Variants in NF1 observed in about 807,000 individuals in gnomAD.
NF1 encodes neurofibromin 1.
In NF1, 122 loss-of-function variants were observed where a neutral mutation model predicts 325.7. That is an observed-to-expected ratio of 0.37 (90% CI 0.32 to 0.44). The LOEUF is 0.44. Among genes scored for constraint, NF1 ranks in the 20% least tolerant of loss-of-function variants. NF1 has a pLI of 1.00. For missense variants in NF1, 2,140 were observed against 3,415.4 expected (o/e 0.63, Z 9.31); for synonymous variants, 1,091 against 1,186.0 (o/e 0.92, Z 1.65).
Position 31,292,385 on chromosome 17 carries a change from A to G in NF1, c.4835+27046A>G, listed in dbSNP as rs575755237. On this transcript the variant is annotated intron_variant, in intron 36 of 57. Transcript: ENST00000358273. ...GAGCCTTTTTCCATTAATAATAAGA[A>G]TATAATTTCTTTGGAAGGAAATACT... Among the ~76,000 whole-genome samples, 24 of 152,342 alleles carry G rather than the reference A, an allele frequency of 1.6e-4. No individual in the cohort carries two copies. In the South Asian group the frequency reaches 3.9e-3, roughly 25 times the overall value.
intron 36 of NF1, chr17:31,295,631 T>G: frequency 6.2e-7 from 1 of 1,614,112 alleles, no homozygotes; most frequent in Non-Finnish European, 8.5e-7. Context: ...GTAAGTAATG[T>G]TTTGTTTGTG....
At position 31,374,356 on chromosome 17, in the gene NF1, T is replaced by G. The variant is rs908919123; in HGVS notation, c.*201T>G. 2 of 667,162 alleles carry G rather than the reference T, an allele frequency of 3.0e-6. No individual in the cohort carries two copies. The highest frequency in any genetic ancestry group is 1.8e-5 in the African/African-American group (1 of 55,318). The allele number at this position is 667,162 out of a possible 1,614,324, so 41.3% of individuals were successfully genotyped here. Reference sequence around the variant, plus strand: ...AATGCTGCCTTTTCTTTAACTTTTTTTCTTCTACTTTTGGCGTGTATCTGG... The same window carrying G: ...AATGCTGCCTTTTCTTTAACTTTTTGTCTTCTACTTTTGGCGTGTATCTGG... On this transcript the variant is annotated 3_prime_UTR_variant, in exon 58 of 58. Coordinates refer to ENST00000358273, the MANE Select transcript of NF1 (RefSeq NM_001042492.3).
intron 36 of NF1, chr17:31,320,485 G>T: frequency 6.7e-7 from 1 of 1,492,918 alleles, no homozygotes; most frequent in Non-Finnish European, 9.3e-7. Flanking sequence ...AGAAATGGTT[G>T]TTATATGTCA....
chr17:31,155,967 T>G lies in NF1; in HGVS notation c.61-16T>G. On this transcript the variant is annotated splice_polypyrimidine_tract_variant and intron_variant, in intron 1 of 57. Coordinates refer to ENST00000358273, the MANE Select transcript of NF1 (RefSeq NM_001042492.3). ...GGATAAGCTGTTAACGTGTTTTTTT[T>G]TTCTTTTTTTTTCAGCTTCCAATAA... is the stretch of plus-strand genomic sequence containing the variant. 2 of 1,611,706 alleles carry G rather than the reference T, an allele frequency of 1.2e-6. No individual in the cohort carries two copies. The highest frequency in any genetic ancestry group is 1.7e-6 in the Non-Finnish European group (2 of 1,179,060).
intron 51 of NF1, chr17:31,355,754 G>A (rs1287134207): frequency 1.3e-5 from 2 of 152,414 alleles, no homozygotes; most frequent in East Asian, 3.9e-4. Flanking sequence ...GGAGGCTGAT[G>A]TGGGAGGATC....
intron 29 of NF1, among the ~76,000 whole-genome samples, chr17:31,239,614 G>T (rs1189750513): frequency 6.6e-6 from 1 of 152,034 alleles, no homozygotes; most frequent in Non-Finnish European, 1.5e-5. Context: ...CGCAAAGCTA[G>T]ATCTTTTTAT....
At chr17:31,233,265 C>A (rs746520474) in intron 27 of NF1, 52 bp downstream of exon 27, 4 of 1,415,852 alleles carry the variant, frequency 2.8e-6, no homozygotes, top group Non-Finnish European at 4.0e-6. Flanking sequence ...ATAGCAAATC[C>A]TTCAGAATAT....
chr17:31,299,300 A>AAAT (rs2068527434), intron 36 of NF1, among the ~76,000 whole-genome samples: 1 of 129,768 alleles, frequency 7.7e-6, no homozygotes, highest in Non-Finnish European at 1.6e-5. Flanking sequence ...AATAAATAAA[A>AAAT]GAAATTCTCA....
intron 1 of NF1, among the ~76,000 whole-genome samples, chr17:31,097,443 G>A (rs1258502996): frequency 7.4e-6 from 1 of 135,660 alleles, no homozygotes; most frequent in Non-Finnish European, 1.6e-5. Context: ...GGGCGACAGA[G>A]CGAGACTCTT....
rs2069725792 is a variant in NF1, at chr17:31,338,063, CTCTTGTTG to C, written c.6748_6755del (p.Val2250TrpfsTer4). The stretch of plus-strand genomic sequence containing the variant: ...TATAATCCATCCCTGCAACCAAGAG[CTCTTGTTG>C]TCTTTGGGTGTATTAGCAAACGAGT... On this transcript the variant is annotated frameshift_variant, in exon 45 of 58. Coordinates refer to ENST00000358273, the MANE Select transcript of NF1 (RefSeq NM_001042492.3). LOFTEE classifies it high-confidence loss of function. The C allele has an allele frequency of 6.2e-7, 1 of 1,613,772 alleles. No individual in the cohort carries two copies. The highest frequency in any genetic ancestry group is 8.5e-7 in the Non-Finnish European group (1 of 1,179,856).
chr17:31,111,524 C>G (rs1249702363), intron 1 of NF1, among the ~76,000 whole-genome samples: 4 of 152,234 alleles, frequency 2.6e-5, no homozygotes, highest in Admixed American at 6.5e-5. Flanking sequence ...AAAAAAGGCA[C>G]TGTGTTCAAA....
At position 31,337,579 on chromosome 17, in the gene NF1, G is replaced by T. The variant is rs569453543; in HGVS notation, c.6639G>T (p.Met2213Ile). The T allele has an allele frequency of 1.2e-6, 2 of 1,613,698 alleles. No homozygotes were observed. Among genetic ancestry groups the T allele is most frequent in the East Asian group, 4.5e-5 (2 of 44,878 alleles). The change falls in exon 43 of 58, where the codon ATG becomes ATT. Residue 2213 changes from methionine to isoleucine, a missense_variant. Met to Ile is a conservative substitution (Grantham distance 10). Around this residue, in one of 10 missense-constraint regions of NF1, gnomAD observed 522 missense variants for 749.0 expected, o/e 0.70. Transcript: ENST00000358273. Reference protein sequence around the residue: ...ETVTEALLEIMEACMRDIPTC... With the variant: ...ETVTEALLEIIEACMRDIPTC... ...TCACAGAAGCTTTGTTGGAGATCAT[G>T]GAGGTATAGAAGCCAAAATGATAAG...
intron 48 of NF1, among the ~76,000 whole-genome samples, chr17:31,343,726 CAGA>C (rs978902647): frequency 4.5e-4 from 68 of 152,192 alleles, no homozygotes; most frequent in African/African-American, 1.6e-3. Flanking sequence ...GAGGCCAAAG[CAGA>C]AGGATCTCTT....
rs149938803 is a variant in NF1 at position 31,149,413 on chromosome 17, C to T, written c.61-6570C>T. Among the ~76,000 whole-genome samples, 448 of 152,210 alleles carry T rather than the reference C, an allele frequency of 2.9e-3. 2 individuals are homozygous for T. Among genetic ancestry groups the T allele is most frequent in the African/African-American group, 9.8e-3 (405 of 41,524 alleles). On this transcript the variant is annotated intron_variant, in intron 1 of 57. Transcript: ENST00000358273. The stretch of plus-strand genomic sequence containing the variant: ...CCCTGGGTTGAAGCAATTATCATGC[C>T]TCAGCCTCCCAAGTAGCTGGGATTA...
intron 12 of NF1, among the ~76,000 whole-genome samples, chr17:31,211,274 CTAAT>C: frequency 6.6e-6 from 1 of 152,152 alleles, no homozygotes. Flanking sequence ...TCTTACATTT[CTAAT>C]TAAGAAACAC....
intron 1 of NF1, among the ~76,000 whole-genome samples, chr17:31,149,279 C>CACACACACAT (rs766450420): frequency 6.9e-5 from 10 of 144,550 alleles, no homozygotes; most frequent in African/African-American, 2.4e-4. Flanking sequence ...TATACATGTA[C>CACACACACAT]ACACACACAC....
Position 31,156,003 on chromosome 17 carries a change from G to A in NF1, c.81G>A (p.Gln27=), listed in dbSNP as rs1597625846. ...FDEQLPIKTG[Q]QNTHTKVSTE... is the part of the protein sequence containing the mutation. ...TTCAGCTTCCAATAAAAACAGGACAGCAGAACACACATACCAAAGTCAGTA... is the reference window on the plus strand; with the variant it reads ...TTCAGCTTCCAATAAAAACAGGACAACAGAACACACATACCAAAGTCAGTA... Residue 27 remains glutamine, a synonymous_variant, in exon 2 of 58, where the codon CAG becomes CAA. Transcript: ENST00000358273. 1 of 1,612,792 alleles carries A rather than the reference G, an allele frequency of 6.2e-7. No homozygotes were observed. Among genetic ancestry groups the A allele is most frequent in the Non-Finnish European group, 8.5e-7 (1 of 1,179,634 alleles).
intron 1 of NF1, among the ~76,000 whole-genome samples, chr17:31,106,514 T>C (rs1321402277): frequency 6.6e-6 from 1 of 152,230 alleles, no homozygotes; most frequent in Non-Finnish European, 1.5e-5. Flanking sequence ...TCACTATCTT[T>C]CCAATAAATA....
At chr17:31,201,928 C>G (rs1269194016) in intron 11 of NF1, among the ~76,000 whole-genome samples, 10 of 152,072 alleles carry the variant, frequency 6.6e-5, no homozygotes, top group Non-Finnish European at 1.5e-4. Context: ...AATGATGGGA[C>G]TATATTTGAT....
Sources: allele counts gnomAD v4.1 joint callset (sites outside exome capture counted in the v4.1 genomes callset), GRCh38; gene constraint gnomAD v4.1.1; regional missense constraint gnomAD v4.1.1; transcripts MANE v1.5; gene names NCBI Gene and HGNC (gene_info 2026-07-23, HGNC 2026-07-21).